The following BCAS3 variants were observed in gnomAD, a reference collection of about 807,000 sequenced individuals.
BCAS3 encodes the protein BCAS4/BCAS3 fusion.
A neutral mutation model predicts 116.1 loss-of-function variants in BCAS3; 53 were observed. That is an observed-to-expected ratio of 0.46 (90% CI 0.37 to 0.57). The LOEUF (loss-of-function observed/expected upper bound fraction) is 0.57, where lower values mean the gene tolerates loss of function less well. BCAS3 is among the 20% of genes least tolerant of loss of function. BCAS3 has a pLI of 0.00. For missense variants in BCAS3, 917 were observed against 1,165.4 expected (o/e 0.79, Z 3.10); for synonymous variants, 391 against 408.2 (o/e 0.96, Z 0.51).
At position 61,146,385 on chromosome 17, in the gene BCAS3, C is replaced by T. The variant is rs117749131; in HGVS notation, c.2425+61821C>T. On this transcript the variant is annotated intron_variant, in intron 22 of 23. Transcript: ENST00000407086. ...ATCCCCCTCGGCCTCCTAAAGTGCT[C>T]GGATTACAGGTGTGAGCCACTGTAA... Among the ~76,000 whole-genome samples the T allele has an allele frequency of 1.2e-4, 18 of 151,544 alleles. No homozygotes were observed. In the East Asian group the frequency reaches 3.1e-3, roughly 26 times the overall value.
chr17:61,155,086 C>G (rs1038637757), intron 22 of BCAS3, among the ~76,000 whole-genome samples: 3 of 152,114 alleles, frequency 2.0e-5, no homozygotes, highest in African/African-American at 7.2e-5. Flanking sequence ...AGGCTCTTGC[C>G]TGGGTCACTT....
At chr17:61,299,063 TCCTC>T (rs1421729312) in intron 22 of BCAS3, among the ~76,000 whole-genome samples, 81 of 151,612 alleles carry the variant, frequency 5.3e-4, no homozygotes, top group African/African-American at 1.8e-3. Context: ...CTTTAGGTGA[TCCTC>T]CCACCTCAGC....
At chr17:61,234,668 C>G (rs1011765561) in intron 22 of BCAS3, among the ~76,000 whole-genome samples, 10 of 151,972 alleles carry the variant, frequency 6.6e-5, no homozygotes, top group Non-Finnish European at 1.0e-4. Context: ...CAGCATTTCA[C>G]CAACCCATGG....
At chr17:60,715,563 A>G (rs952429658) in intron 5 of BCAS3, among the ~76,000 whole-genome samples, 1 of 151,878 alleles carries the variant, frequency 6.6e-6, no homozygotes, top group African/African-American at 2.4e-5. Flanking sequence ...ATCTCAGCTC[A>G]CTGCAACCTC....
intron 7 of BCAS3, among the ~76,000 whole-genome samples, chr17:60,835,163 CA>C (rs1470623884): frequency 6.6e-6 from 1 of 151,648 alleles, no homozygotes; most frequent in East Asian, 1.9e-4. Context: ...ATATATCTTC[CA>C]AAATTAAAAA....
rs887856453 is a variant in BCAS3 at position 61,134,593 on chromosome 17, T to C, written c.2425+50029T>C. On this transcript the variant is annotated intron_variant, in intron 22 of 23. Coordinates refer to ENST00000407086, the MANE Select transcript of BCAS3 (RefSeq NM_017679.5). This position sits in a 1 kb window ranked among gnomAD's most constrained non-coding sequence, Gnocchi z 4.6. ...GTATTTTAAAGTCGAGAGAACTGTG[T>C]TATGGTGGGACATTTAGAGACAAAC... 1.3e-5 allele frequency among the ~76,000 whole-genome samples: 2 copies of C among 152,228 alleles called. No individual in the cohort carries two copies. Among genetic ancestry groups the C allele is most frequent in the Non-Finnish European group, 2.9e-5 (2 of 68,036 alleles).
At chr17:60,759,977 T>C (rs937295564) in intron 6 of BCAS3, among the ~76,000 whole-genome samples, 1 of 152,230 alleles carries the variant, frequency 6.6e-6, no homozygotes, top group Non-Finnish European at 1.5e-5. Context: ...AAATCTGTTT[T>C]ATCTGATATC....
chr17:61,125,533 CA>C (rs889412611), intron 22 of BCAS3, among the ~76,000 whole-genome samples: 10 of 151,684 alleles, frequency 6.6e-5, no homozygotes, highest in South Asian at 2.1e-4. Context: ...AGAATATTGA[CA>C]AAAAAAATTT....
In BCAS3 at chr17:61,034,283, A is replaced by AAT. The variant is rs1203126665; in HGVS notation, c.1638-375_1638-374dup. Among the ~76,000 whole-genome samples the AAT allele has an allele frequency of 6.6e-6, 1 of 152,232 alleles. No homozygotes were observed. Among genetic ancestry groups the AAT allele is most frequent in the Non-Finnish European group, 1.5e-5 (1 of 68,030 alleles). ...ACCACAATTACTTTTGCATCAACCT[A>AAT]ATATATATAGAAATGAAGTGATAAA... is the stretch of plus-strand genomic sequence containing the variant. On this transcript the variant is annotated intron_variant, in intron 16 of 23. Transcript: ENST00000407086. The surrounding 1 kb of genome is among the most constrained non-coding windows in gnomAD (Gnocchi z 5.0).
intron 22 of BCAS3, among the ~76,000 whole-genome samples, chr17:61,155,913 G>A (rs905380328): frequency 6.6e-6 from 1 of 152,062 alleles, no homozygotes; most frequent in Non-Finnish European, 1.5e-5. Context: ...CAGCCACAGA[G>A]CATCCTGCTC....
chr17:61,216,171 C>G (rs1815183316), intron 22 of BCAS3, among the ~76,000 whole-genome samples: 1 of 152,102 alleles, frequency 6.6e-6, no homozygotes, highest in South Asian at 2.1e-4. Flanking sequence ...ATTCCCATTT[C>G]CTAAGATTAA....
chr17:60,909,798 C>G (rs2058391529), intron 11 of BCAS3, among the ~76,000 whole-genome samples: 1 of 152,036 alleles, frequency 6.6e-6, no homozygotes, highest in Non-Finnish European at 1.5e-5. Flanking sequence ...GTTAGTTTTA[C>G]TTATATGTTT....
rs1416687158 is a variant in BCAS3 at position 61,348,281 on chromosome 17, G to A, written c.2426-20046G>A. On this transcript the variant is annotated intron_variant, in intron 22 of 23. Coordinates refer to ENST00000407086, the MANE Select transcript of BCAS3 (RefSeq NM_017679.5). The surrounding 1 kb of genome is among the most constrained non-coding windows in gnomAD (Gnocchi z 4.5). Reference sequence around the variant, plus strand: ...GTAGGGATAGAGAAGGAAGAGCAAGGGCTGGAGAAGTTAGGTCATGAATTT... The same window carrying A: ...GTAGGGATAGAGAAGGAAGAGCAAGAGCTGGAGAAGTTAGGTCATGAATTT... Among the ~76,000 whole-genome samples, 2 of 152,168 alleles carry A rather than the reference G, an allele frequency of 1.3e-5. No homozygotes were observed. The highest frequency in any genetic ancestry group is 2.4e-5 in the African/African-American group (1 of 41,440).
chr17:61,110,354 G>T (rs1205643096), intron 22 of BCAS3, among the ~76,000 whole-genome samples: 4 of 152,222 alleles, frequency 2.6e-5, no homozygotes, highest in African/African-American at 9.6e-5. Flanking sequence ...ACTAGGGAGT[G>T]CCAGACAGTG....
At chr17:60,807,185 A>G (rs1401903018) in intron 6 of BCAS3, among the ~76,000 whole-genome samples, 1 of 152,106 alleles carries the variant, frequency 6.6e-6, no homozygotes, top group African/African-American at 2.4e-5. Context: ...ACATTAATAG[A>G]TTTTATACTG....
intron 22 of BCAS3, among the ~76,000 whole-genome samples, chr17:61,209,302 T>C (rs1196297344): frequency 6.6e-6 from 1 of 152,180 alleles, no homozygotes; most frequent in Non-Finnish European, 1.5e-5. Context: ...GCAAACTTGC[T>C]GTCCTCTTCT....
intron 22 of BCAS3, among the ~76,000 whole-genome samples, chr17:61,351,709 T>G (rs1182724227): frequency 6.6e-6 from 1 of 152,140 alleles, no homozygotes; most frequent in Admixed American, 6.6e-5. Flanking sequence ...CTCTCCCCCT[T>G]CCGCATCTCA....
At chr17:60,681,526 A>G (rs2033110096) in intron 2 of BCAS3, among the ~76,000 whole-genome samples, 1 of 150,496 alleles carries the variant, frequency 6.6e-6, no homozygotes, top group Non-Finnish European at 1.5e-5. Context: ...ATAAATAGAT[A>G]TATTTTATAT....
In BCAS3 at chr17:60,924,494, A is replaced by G. The variant is rs995274041; in HGVS notation, c.1081A>G (p.Thr361Ala). The G allele has an allele frequency of 6.2e-7, 1 of 1,607,770 alleles. No individual in the cohort carries two copies. The highest frequency in any genetic ancestry group is 1.4e-5 in the African/African-American group (1 of 74,064). Residue 361 changes from threonine to alanine, a missense_variant, in exon 13 of 24, where the codon ACA (threonine) becomes GCA (alanine). Thr to Ala is a moderately conservative substitution (Grantham distance 58, BLOSUM62 0). Coordinates refer to ENST00000407086, the MANE Select transcript of BCAS3 (RefSeq NM_017679.5). ...EKPVCCMAFN[T>A]SGMLLVTTDT... Reference sequence around the variant, plus strand: ...GCCAGTGTGCTGCATGGCTTTTAATACAAGTGGTAAGTTCGCTCTCTGTCT... The same window carrying G: ...GCCAGTGTGCTGCATGGCTTTTAATGCAAGTGGTAAGTTCGCTCTCTGTCT...
Sources: allele counts gnomAD v4.1 joint callset (sites outside exome capture counted in the v4.1 genomes callset), GRCh38; gene constraint gnomAD v4.1.1; non-coding constraint Gnocchi (gnomAD v3.1); transcripts MANE v1.5; gene names NCBI Gene and HGNC (gene_info 2026-07-23, HGNC 2026-07-21).